KSR2: variants seen among roughly 807,000 people sequenced by gnomAD.
KSR2 encodes the protein kinase suppressor of ras 2.
In KSR2, 25 loss-of-function variants were observed where a neutral mutation model predicts 107.8. The ratio of observed to expected loss-of-function variants is 0.23; its 90% confidence interval spans 0.17 to 0.32. KSR2 has a LOEUF of 0.32. Among genes scored for constraint, KSR2 ranks in the 10% least tolerant of loss-of-function variants. KSR2 has a pLI of 1.00. For missense variants in KSR2, 887 were observed against 1,268.9 expected (o/e 0.70, Z 4.57); for synonymous variants, 480 against 507.0 (o/e 0.95, Z 0.71).
intron 4 of KSR2, among the ~76,000 whole-genome samples, chr12:117,694,624 G>A (rs1472998753): frequency 1.3e-5 from 2 of 152,160 alleles, no homozygotes; most frequent in African/African-American, 2.4e-5. Flanking sequence ...CAGTTCACAT[G>A]TTCACAGCAG....
At chr12:117,507,938 T>C (rs1009546954) in intron 14 of KSR2, among the ~76,000 whole-genome samples, 2 of 152,054 alleles carry the variant, frequency 1.3e-5, no homozygotes, top group Non-Finnish European at 2.9e-5. Flanking sequence ...CCTATCCTTT[T>C]CCCCTCCATT....
chr12:117,564,422 G>A (rs958744833), intron 7 of KSR2, among the ~76,000 whole-genome samples: 2 of 152,166 alleles, frequency 1.3e-5, no homozygotes, highest in African/African-American at 4.8e-5. Context: ...ATAGGTCAAC[G>A]CTTTAGCAGG....
chr12:117,848,841 G>GGTGA (rs1892811014), intron 3 of KSR2, among the ~76,000 whole-genome samples: 27 of 141,874 alleles, frequency 1.9e-4, no homozygotes, highest in South Asian at 1.5e-3. Flanking sequence ...GGTAGTGGTG[G>GGTGA]TGATGGTGAT....
intron 5 of KSR2, among the ~76,000 whole-genome samples, chr12:117,602,204 G>GT (rs202217082): frequency 0.016 from 2,373 of 152,142 alleles, 54 homozygotes; most frequent in African/African-American, 0.054. Flanking sequence ...AGTGGGCCAG[G>GT]TTTTTTTTGT....
At chr12:117,812,613 C>A (rs1325349242) in intron 3 of KSR2, among the ~76,000 whole-genome samples, 1 of 151,618 alleles carries the variant, frequency 6.6e-6, no homozygotes, top group Non-Finnish European at 1.5e-5. Context: ...GTCCCCTCTA[C>A]AAGGAAAGCT....
intron 14 of KSR2, among the ~76,000 whole-genome samples, chr12:117,506,779 A>G (rs184463221): frequency 6.6e-6 from 1 of 152,202 alleles, no homozygotes; most frequent in Non-Finnish European, 1.5e-5. Flanking sequence ...CTTCCATAAT[A>G]GGATTGCCTG....
At chr12:117,559,523 C>T (rs918452395) in intron 7 of KSR2, among the ~76,000 whole-genome samples, 2 of 152,146 alleles carry the variant, frequency 1.3e-5, no homozygotes, top group Non-Finnish European at 2.9e-5. Context: ...AACTGACTTG[C>T]CCTGACAGAA....
intron 1 of KSR2, among the ~76,000 whole-genome samples, chr12:117,924,593 AAAAG>A (rs1210710160): frequency 6.7e-6 from 1 of 149,480 alleles, no homozygotes; most frequent in Middle Eastern, 3.2e-3. Flanking sequence ...AAAAAAAAAA[AAAAG>A]AAAGAAAGAA....
chr12:117,581,265 G>T (rs1879646998), intron 6 of KSR2, among the ~76,000 whole-genome samples: 1 of 151,934 alleles, frequency 6.6e-6, no homozygotes, highest in Non-Finnish European at 1.5e-5. Context: ...ACCCCACCTT[G>T]TCACCCCGAT....
At chr12:117,889,993 G>A (rs1644212610) in intron 1 of KSR2, among the ~76,000 whole-genome samples, 1 of 152,134 alleles carries the variant, frequency 6.6e-6, no homozygotes. Context: ...AGCCTTGGAG[G>A]GCTTGTGAAA....
chr12:117,947,632 G>A (rs1480901216), intron 1 of KSR2, among the ~76,000 whole-genome samples: 1 of 151,894 alleles, frequency 6.6e-6, no homozygotes, highest in Non-Finnish European at 1.5e-5. Context: ...AAAAATCCAT[G>A]GAATCCAGGG....
At chr12:117,720,829 A>G (rs1887178003) in intron 4 of KSR2, among the ~76,000 whole-genome samples, 1 of 152,208 alleles carries the variant, frequency 6.6e-6, no homozygotes, top group Non-Finnish European at 1.5e-5. Context: ...TCAGGGAAAA[A>G]ATAGGAATTA....
intron 1 of KSR2, among the ~76,000 whole-genome samples, chr12:117,924,035 C>T (rs546104458): frequency 3.2e-4 from 48 of 151,432 alleles, no homozygotes; most frequent in Middle Eastern, 3.4e-3. Context: ...TGCGCCACCA[C>T]GCCTGGCTAA....
chr12:117,772,396 G>A (rs1339237943), intron 3 of KSR2, among the ~76,000 whole-genome samples: 35 of 91,420 alleles, frequency 3.8e-4, no homozygotes, highest in Admixed American at 2.4e-3. Context: ...CACCAAAGAC[G>A]CACAAACACA....
At chr12:117,731,903 G>A (rs1887734601) in intron 4 of KSR2, among the ~76,000 whole-genome samples, 1 of 140,054 alleles carries the variant, frequency 7.1e-6, no homozygotes, top group African/African-American at 2.5e-5. Flanking sequence ...ACTGCGGAAG[G>A]CCGCAGGGTC....
chr12:117,727,363 A>G (rs1156984811), intron 4 of KSR2, among the ~76,000 whole-genome samples: 1 of 152,058 alleles, frequency 6.6e-6, no homozygotes, highest in African/African-American at 2.4e-5. Context: ...TGACAGAACC[A>G]GACCCTGTGA....
intron 4 of KSR2, among the ~76,000 whole-genome samples, chr12:117,696,975 T>C (rs1229794671): frequency 6.6e-6 from 1 of 152,056 alleles, no homozygotes; most frequent in Non-Finnish European, 1.5e-5. Context: ...ATTTGTGCAC[T>C]GGGGTGGACA....
intron 3 of KSR2, among the ~76,000 whole-genome samples, chr12:117,812,842 C>CAAAAAAAAAAAAAAAAA (rs3073170): frequency 3.1e-5 from 3 of 95,560 alleles, no homozygotes; most frequent in African/African-American, 5.9e-5. Flanking sequence ...CCCAAATAGC[C>CAAAAAAAAAAAAAAAAA]AAAAAAAAAA....
At chr12:117,805,038 G>A (rs867585145) in intron 3 of KSR2, among the ~76,000 whole-genome samples, 3 of 152,292 alleles carry the variant, frequency 2.0e-5, no homozygotes, top group Middle Eastern at 6.8e-3. Flanking sequence ...CGGATGGACT[G>A]AGGGATTTCC....
Sources: gnomAD v4.1 joint callset for allele counts (sites outside exome capture counted in the v4.1 genomes callset) on GRCh38, gnomAD v4.1.1 for gene constraint, MANE v1.5 for transcripts, NCBI Gene and HGNC (gene_info 2026-07-23, HGNC 2026-07-21) for gene names.